Variants in STX7 observed in about 807,000 individuals in gnomAD.
STX7 encodes the protein syntaxin 7.
Under a neutral mutation model 39.6 loss-of-function variants are expected in STX7, and 34 were observed. That is an observed-to-expected ratio of 0.86 (90% CI 0.65 to 1.14). STX7 has a LOEUF of 1.14. Among genes scored for constraint, STX7 ranks in the 50% most tolerant of loss-of-function variants. The pLI is 0.00. For synonymous variants in STX7, 119 were observed against 99.1 expected, an observed-to-expected ratio of 1.20 and a Z score of -1.19; for missense variants, 284 against 310.4, an observed-to-expected ratio of 0.92 and a Z score of 0.64.
intron 7 of STX7, 104 bp from the exon 8 acceptor site, chr6:132,468,579 A>AG: frequency 2.9e-6 from 2 of 687,390 alleles, no homozygotes; most frequent in Non-Finnish European, 5.0e-6. Context: ...ATGGGTGAGC[A>AG]TGCATCTATA....
Position 132,456,956 on chromosome 6 carries a change from T to A in STX7, c.*3802A>T, listed in dbSNP as rs1562317215. The A allele has an allele frequency of 6.6e-6, 1 of 152,324 alleles. No individual in the cohort carries two copies. Among genetic ancestry groups the A allele is most frequent in the Non-Finnish European group, 1.5e-5 (1 of 68,124 alleles). 9.4% of individuals were successfully genotyped at this position (152,324 alleles called of 1,614,324 possible). On this transcript the variant is annotated 3_prime_UTR_variant, in exon 10 of 10. Coordinates refer to ENST00000367941, the MANE Select transcript of STX7 (RefSeq NM_003569.3). ...TGTAGGCGGGCAGAGGACATGAGTT[T>A]CACAGCAGTTTCAAAATCTCTTGCA...
At chr6:132,469,737 G>A (rs1267178755) in intron 7 of STX7, among the ~76,000 whole-genome samples, 1 of 152,184 alleles carries the variant, frequency 6.6e-6, no homozygotes, top group Non-Finnish European at 1.5e-5. Flanking sequence ...TACTCAGCAA[G>A]CTGAGGCACA....
chr6:132,461,993 C>A, intron 9 of STX7: 1 of 839,496 alleles, frequency 1.2e-6, no homozygotes, highest in Non-Finnish European at 1.8e-6. Flanking sequence ...ACATATTCAT[C>A]TAATTTTTCC....
At position 132,509,480 on chromosome 6, in the gene STX7, AACAT is replaced by A. The variant is rs1562343599; in HGVS notation, c.-59+3523_-59+3526del. On this transcript the variant is annotated intron_variant, in intron 1 of 9. Transcript: ENST00000367941. ...AACATAACATAACATAACATAACATAACATAACATAACATAACATAACATAACAT... is the reference window on the plus strand; with the variant it reads ...AACATAACATAACATAACATAACATAAACATAACATAACATAACATAACAT... 2.4e-4 allele frequency among the ~76,000 whole-genome samples: 28 copies of A among 117,054 alleles called. 3 individuals are homozygous for A. The highest frequency in any genetic ancestry group is 3.7e-3 in the Middle Eastern group (1 of 270). 76.8% of individuals were successfully genotyped at this position (117,054 alleles called of 152,430 possible). A position where few individuals can be genotyped will look rare whatever the true frequency, so the allele number is the denominator to read the frequency against.
chr6:132,492,610 G>A (rs1775321416), intron 2 of STX7, among the ~76,000 whole-genome samples: 1 of 152,110 alleles, frequency 6.6e-6, no homozygotes, highest in Non-Finnish European at 1.5e-5. Flanking sequence ...AATACACCAT[G>A]TTATATGAAC....
intron 1 of STX7, among the ~76,000 whole-genome samples, chr6:132,504,906 G>A (rs1279434234): frequency 6.6e-6 from 1 of 152,228 alleles, no homozygotes; most frequent in Non-Finnish European, 1.5e-5. Flanking sequence ...GAAGGCTGGG[G>A]TGGAGAGACC....
intron 4 of STX7, 78 bp from the exon 5 acceptor site, chr6:132,471,678 T>C: frequency 1.3e-6 from 2 of 1,556,426 alleles, no homozygotes; most frequent in Non-Finnish European, 1.7e-6. Flanking sequence ...GGCTCTTTAT[T>C]TAACCCTGAA....
chr6:132,469,385 A>C (rs1424289648), intron 7 of STX7, among the ~76,000 whole-genome samples: 1 of 152,232 alleles, frequency 6.6e-6, no homozygotes, highest in African/African-American at 2.4e-5. Flanking sequence ...AAGGTGGTCC[A>C]TAGATGGCTT....
Position 132,460,966 on chromosome 6 carries a change from T to C in STX7, c.694-116A>G, listed in dbSNP as rs1320666672. 16 of 756,264 alleles carry C rather than the reference T, an allele frequency of 2.1e-5. No individual in the cohort carries two copies. In the East Asian group the frequency reaches 3.9e-4, roughly 19 times the overall value. The allele number at this position is 756,264 out of a possible 1,614,324, so 46.8% of individuals were successfully genotyped here. A position where few individuals can be genotyped will look rare whatever the true frequency, so the allele number is the denominator to read the frequency against. ...TTCTAGAGTAAAATCAGTAGTAGTA[T>C]ATTGCCCTCAAATTTTTGACTGTGT... is the stretch of plus-strand genomic sequence containing the variant. On this transcript the variant is annotated intron_variant, in intron 9 of 9. Coordinates refer to ENST00000367941, the MANE Select transcript of STX7 (RefSeq NM_003569.3).
intron 7 of STX7, among the ~76,000 whole-genome samples, chr6:132,469,430 A>G (rs1042499721): frequency 6.6e-6 from 1 of 152,202 alleles, no homozygotes; most frequent in African/African-American, 2.4e-5. Flanking sequence ...AAGCTGCAGT[A>G]GGAGGGAGTA....
intron 7 of STX7, 102 bp from the exon 8 acceptor site, chr6:132,468,577 G>T: frequency 1.4e-6 from 1 of 705,748 alleles, no homozygotes. Context: ...ACATGGGTGA[G>T]CATGCATCTA....
intron 2 of STX7, among the ~76,000 whole-genome samples, chr6:132,486,869 A>T (rs1467182025): frequency 1.3e-5 from 2 of 151,740 alleles, no homozygotes; most frequent in African/African-American, 4.8e-5. Flanking sequence ...GTTTCACCAT[A>T]TTGGCCAGGC....
chr6:132,469,942 A>G lies in STX7; in HGVS notation c.537+9T>C. 4 of 1,590,492 alleles carry G rather than the reference A, an allele frequency of 2.5e-6. No homozygotes were observed. In the South Asian group the frequency reaches 4.6e-5, roughly 18 times the overall value. On this transcript the variant is annotated intron_variant, in intron 7 of 9. Transcript: ENST00000367941. Reference sequence around the variant, plus strand: ...GAGCAGCAGCCCAAGTCTACAATGTAAGCCTTACTTCAAGTTGCCTGATAG... The same window carrying G: ...GAGCAGCAGCCCAAGTCTACAATGTGAGCCTTACTTCAAGTTGCCTGATAG...
Position 132,447,321 on chromosome 6 carries a change from T to TTTGTAG in STX7, c.*13436_*13437insCTACAA, listed in dbSNP as rs2114309193. ...CAGTTGACTTTATGTAGATTATGGT[T>TTTGTAG]AATATCTTTTGCAGATTTTCTAAGA... is the stretch of plus-strand genomic sequence containing the variant. On this transcript the variant is annotated 3_prime_UTR_variant, in exon 10 of 10. Transcript: ENST00000367941. 1 of 152,304 alleles carries TTTGTAG rather than the reference T, an allele frequency of 6.6e-6. No individual in the cohort carries two copies. The highest frequency in any genetic ancestry group is 1.9e-4 in the East Asian group (1 of 5,186). The allele number at this position is 152,304 out of a possible 1,614,324, so 9.4% of individuals were successfully genotyped here.
chr6:132,463,871 A>G (rs1774486532), intron 9 of STX7, 122 bp downstream of exon 9: 1 of 886,468 alleles, frequency 1.1e-6, no homozygotes, highest in Non-Finnish European at 1.8e-6. Context: ...CTTCCATGGG[A>G]TTTTAAATTT....
intron 2 of STX7, among the ~76,000 whole-genome samples, chr6:132,487,023 G>A (rs1457292422): frequency 6.6e-6 from 1 of 152,136 alleles, no homozygotes; most frequent in African/African-American, 2.4e-5. Context: ...GGATTATGCT[G>A]ACCTGCTAAA....
intron 6 of STX7, 138 bp downstream of exon 6, chr6:132,470,436 T>C (rs1440351527): frequency 3.9e-6 from 2 of 512,702 alleles, no homozygotes; most frequent in Non-Finnish European, 6.3e-6. Flanking sequence ...TTTTCAAATT[T>C]ACTCTGTTTT....
rs559400941 is a variant in STX7, at chr6:132,455,416, C to T, written c.*5342G>A. ...TGCCTAACGATACTTACAGTAAACA[C>T]TTAAAAATTTGTACTTTGGGTTGGC... On this transcript the variant is annotated 3_prime_UTR_variant, in exon 10 of 10. Transcript: ENST00000367941. 6.6e-6 allele frequency: 1 copy of T among 152,294 alleles called. No individual in the cohort carries two copies. Among genetic ancestry groups the T allele is most frequent in the Non-Finnish European group, 1.5e-5 (1 of 68,024 alleles). The allele number at this position is 152,294 out of a possible 1,614,324, so 9.4% of individuals were successfully genotyped here. A position where few individuals can be genotyped will look rare whatever the true frequency, so the allele number is the denominator to read the frequency against.
intron 2 of STX7, among the ~76,000 whole-genome samples, chr6:132,489,227 G>GAAAAAAA (rs1775218386): frequency 1.2e-5 from 1 of 82,544 alleles, no homozygotes; most frequent in African/African-American, 6.1e-5. Flanking sequence ...AAAAAAAAAG[G>GAAAAAAA]ATGATATATA....
Sources: allele counts gnomAD v4.1 joint callset (sites outside exome capture counted in the v4.1 genomes callset), GRCh38; gene constraint gnomAD v4.1.1; transcripts MANE v1.5; gene names NCBI Gene and HGNC (gene_info 2026-07-23, HGNC 2026-07-21).